MSN: variants seen among roughly 807,000 people sequenced by gnomAD.
The protein encoded by MSN is epididymis luminal protein 70.
Under a neutral mutation model 48.0 loss-of-function variants are expected in MSN, and 2 were observed. The ratio of observed to expected loss-of-function variants is 0.04; its 90% CI spans 0.02 to 0.13. The LOEUF is 0.13. Ranked by LOEUF, MSN falls within the 10% of genes least tolerant of loss-of-function variation. The probability of loss-of-function intolerance (pLI) is 1.00; values close to 1 mark genes in which losing one functional copy is unlikely to be tolerated. For synonymous variants in MSN, 146 were observed against 166.9 expected (o/e 0.87, Z 0.97); for missense variants, 267 against 470.1 (o/e 0.57, Z 3.99).
At chrX:65,630,326 C>A (rs1429757051) in intron 1 of MSN, among the ~76,000 whole-genome samples, 2 of 111,792 alleles carry the variant, frequency 1.8e-5, no homozygotes, top group African/African-American at 6.5e-5. Flanking sequence ...ATAATCCCAG[C>A]ATTTTGGGAG....
intron 1 of MSN, among the ~76,000 whole-genome samples, chrX:65,708,318 G>T (rs2071381922): frequency 8.9e-6 from 1 of 111,861 alleles, no homozygotes. Context: ...TGTGAGACAG[G>T]GTCTCACTAT....
chrX:65,594,608 G>C (rs1357511045), intron 1 of MSN, among the ~76,000 whole-genome samples: 1 of 111,476 alleles, frequency 9.0e-6, no homozygotes, highest in Non-Finnish European at 1.9e-5. Context: ...TCAGGGCTGG[G>C]AGAAACCTGG....
At chrX:65,648,976 G>A (rs925916071) in intron 1 of MSN, among the ~76,000 whole-genome samples, 9 of 110,634 alleles carry the variant, frequency 8.1e-5, no homozygotes, top group Non-Finnish European at 1.3e-4. Flanking sequence ...TATGGATGAG[G>A]AGAAAATGCC....
At chrX:65,589,850 TTTTC>T (rs200172906) in intron 1 of MSN, 238 of 107,019 alleles carry the variant, frequency 2.2e-3, no homozygotes, top group African/African-American at 8.3e-3. Context: ...AGAGCTTTTC[TTTTC>T]TTTCTTTCTT....
In MSN at chrX:65,641,549, AGTATATATATATATATATATATATAT is replaced by A. The variant is rs1298449841; in HGVS notation, c.-22+52938_-22+52963del. Among the ~76,000 whole-genome samples the A allele has an allele frequency of 4.9e-3, 159 of 32,560 alleles. 2 individuals carry two copies. Among genetic ancestry groups the A allele is most frequent in the African/African-American group, 0.017 (153 of 9,243 alleles). 28.3% of individuals were successfully genotyped at this position (32,560 alleles called of 115,157 possible). A position where few individuals can be genotyped will look rare whatever the true frequency, so the allele number is the denominator to read the frequency against. On this transcript the variant is annotated intron_variant, in intron 1 of 3. Coordinates refer to the MSN transcript ENST00000609672. Reference sequence around the variant, plus strand: ...GGTCTCAAAAAAAAAAAAAAAGTGAAGTATATATATATATATATATATATATATATATATATATATATATATATATA... The same window carrying A: ...GGTCTCAAAAAAAAAAAAAAAGTGAAATATATATATATATATATATATATA...
At chrX:65,614,479 A>C (rs1324408337) in intron 1 of MSN, among the ~76,000 whole-genome samples, 4 of 108,992 alleles carry the variant, frequency 3.7e-5, no homozygotes, top group Non-Finnish European at 5.7e-5. Context: ...GGCCATATTC[A>C]TGATATTCTT....
At chrX:65,639,178 T>C (rs1165019485) in intron 1 of MSN, among the ~76,000 whole-genome samples, 2 of 111,698 alleles carry the variant, frequency 1.8e-5, no homozygotes, top group Non-Finnish European at 3.8e-5. Flanking sequence ...AGTTTTACTC[T>C]TGTTGCCCAG....
At chrX:65,667,507 C>A (rs1233100149), upstream of MSN, 16 of 462,792 alleles carry the variant, frequency 3.5e-5, no homozygotes, top group Non-Finnish European at 4.0e-5. Flanking sequence ...CCGGGCCCCC[C>A]ACGTGGCCGC....
intron 2 of MSN, among the ~76,000 whole-genome samples, chrX:65,722,464 G>A (rs778505009): frequency 9.4e-6 from 1 of 106,875 alleles, no homozygotes; most frequent in East Asian, 2.9e-4. Context: ...GTCTCGCTCC[G>A]TCACCCAGGC....
chrX:65,685,870 G>A (rs1376728118), intron 1 of MSN, among the ~76,000 whole-genome samples: 2 of 112,755 alleles, frequency 1.8e-5, no homozygotes, highest in Admixed American at 9.3e-5. Context: ...GCAGGCGTGA[G>A]CCACCACGCC....
chrX:65,593,342 A>G (rs1439037530), intron 1 of MSN: 1 of 111,024 alleles, frequency 9.0e-6, no homozygotes, highest in East Asian at 2.8e-4. Flanking sequence ...CTGGACTGGG[A>G]GGTTGAATTG....
At chrX:65,671,617 A>G (rs976179366) in intron 1 of MSN, among the ~76,000 whole-genome samples, 1 of 111,923 alleles carries the variant, frequency 8.9e-6, no homozygotes, top group Non-Finnish European at 1.9e-5. Context: ...CATATGAGAG[A>G]GGATCCTGCA....
At chrX:65,645,236 C>G (rs973791211) in intron 1 of MSN, among the ~76,000 whole-genome samples, 3 of 111,972 alleles carry the variant, frequency 2.7e-5, no homozygotes, top group Non-Finnish European at 5.6e-5. Flanking sequence ...GGACCCTCCT[C>G]GCTTCTGATA....
chrX:65,667,645 G>A (rs758586670), upstream of MSN: 47 of 1,024,179 alleles, frequency 4.6e-5, no homozygotes, highest in African/African-American at 8.3e-4. Context: ...CGGGCGGCGC[G>A]ACAGGGGCGG....
chrX:65,620,185 G>A (rs1363658251), intron 1 of MSN, among the ~76,000 whole-genome samples: 1 of 112,732 alleles, frequency 8.9e-6, no homozygotes, highest in African/African-American at 3.2e-5. Flanking sequence ...TGCCCCCAGA[G>A]GTGGAGCCTA....
chrX:65,733,664 C>T (rs1249273709), intron 7 of MSN, among the ~76,000 whole-genome samples: 1 of 110,794 alleles, frequency 9.0e-6, no homozygotes, highest in Non-Finnish European at 1.9e-5. Flanking sequence ...ATATTTGATT[C>T]CTTCCTTCCT....
At chrX:65,696,084 T>C (rs1194905405) in intron 1 of MSN, among the ~76,000 whole-genome samples, 1 of 111,524 alleles carries the variant, frequency 9.0e-6, no homozygotes, top group Non-Finnish European at 1.9e-5. Flanking sequence ...CATTATGGCC[T>C]GGATGCCTCT....
At chrX:65,647,410 G>A (rs1357395383) in intron 1 of MSN, among the ~76,000 whole-genome samples, 2 of 111,165 alleles carry the variant, frequency 1.8e-5, no homozygotes, top group Non-Finnish European at 1.9e-5. Context: ...GTGGGATTTT[G>A]CCATGTTGGC....
chrX:65,598,416 CAG>C (rs755445735), intron 1 of MSN, among the ~76,000 whole-genome samples: 1 of 109,305 alleles, frequency 9.1e-6, no homozygotes, highest in East Asian at 2.9e-4. Flanking sequence ...GAGAGAAAAA[CAG>C]GGGAAAAGAG....
Sources: gnomAD v4.1 joint callset for allele counts (sites outside exome capture counted in the v4.1 genomes callset) on GRCh38, gnomAD v4.1.1 for gene constraint, MANE v1.5 for transcripts, NCBI Gene and HGNC (gene_info 2026-07-23, HGNC 2026-07-21) for gene names.